TRIP11: variants seen among roughly 807,000 people sequenced by gnomAD.
TRIP11 encodes the protein thyroid hormone receptor interactor 11.
A neutral mutation model predicts 223.1 loss-of-function variants in TRIP11; 148 were observed. The ratio of observed to expected loss-of-function variants is 0.66; its 90% CI spans 0.58 to 0.76. The LOEUF is 0.76. Among genes scored for constraint, TRIP11 ranks in the 30% least tolerant of loss-of-function variants. The pLI, the probability that TRIP11 is intolerant of heterozygous loss-of-function variation, is 0.00. For synonymous variants in TRIP11, 762 were observed against 772.6 expected (o/e 0.99, Z 0.23); for missense variants, 2,043 against 2,222.0 (o/e 0.92, Z 1.62).
At chr14:91,990,122 C>T (rs1266716323) in intron 15 of TRIP11, among the ~76,000 whole-genome samples, 1 of 152,166 alleles carries the variant, frequency 6.6e-6, no homozygotes, top group Non-Finnish European at 1.5e-5. Context: ...GACACATATA[C>T]ATACACACCC....
chr14:91,984,333 T>TTG (rs1327579678), intron 16 of TRIP11, among the ~76,000 whole-genome samples: 5 of 134,422 alleles, frequency 3.7e-5, no homozygotes, highest in African/African-American at 1.1e-4. Flanking sequence ...TTTTTTTTTT[T>TTG]GGGACCAAGT....
At chr14:91,988,507 G>A in intron 15 of TRIP11, 124 bp from the exon 16 acceptor site, 1 of 780,810 alleles carries the variant, frequency 1.3e-6, no homozygotes, top group East Asian at 2.7e-5. Flanking sequence ...TATGACCTTG[G>A]GCAAATGTAT....
Position 91,967,405 on chromosome 14 carries a change from C to T in TRIP11, c.*2268G>A. On this transcript the variant is annotated 3_prime_UTR_variant, in exon 21 of 21. Coordinates refer to ENST00000267622, the MANE Select transcript of TRIP11 (RefSeq NM_004239.4). ...CCACCCACCTCACCCTCCCAAAGTT[C>T]TGGGATTACAGGCGTGAGCCACTGT... The T allele has an allele frequency of 5.5e-6, 1 of 181,014 alleles. No homozygotes were observed. Among genetic ancestry groups the T allele is most frequent in the African/African-American group, 2.4e-5 (1 of 42,442 alleles). 11.2% of individuals were successfully genotyped at this position (181,014 alleles called of 1,614,324 possible). A position where few individuals can be genotyped will look rare whatever the true frequency, so the allele number is the denominator to read the frequency against.
intron 2 of TRIP11, among the ~76,000 whole-genome samples, chr14:92,029,124 T>C (rs540293952): frequency 6.6e-6 from 1 of 152,136 alleles, no homozygotes; most frequent in South Asian, 2.1e-4. Context: ...ATTTGGCTCT[T>C]TTACTATCAT....
At chr14:92,015,488 A>G (rs1031252085) in intron 6 of TRIP11, among the ~76,000 whole-genome samples, 7 of 151,790 alleles carry the variant, frequency 4.6e-5, no homozygotes, top group African/African-American at 1.7e-4. Context: ...GCGAAACCCT[A>G]TTGCTACTAA....
chr14:92,004,694 A>G lies in TRIP11; in HGVS notation c.3282T>C (p.Tyr1094=). Residue 1094 remains tyrosine (Y), a synonymous_variant, in exon 11 of 21, where the codon TAT becomes TAC. Transcript: ENST00000267622. The part of the protein sequence containing the change: ...VVYLQQQLQA[Y]AMEREKVFAV... ...CAAATACCTTTTCTCTTTCCATAGC[A>G]TAAGCCTGCAGTTGCTGTTGAAGGT... 1 of 1,614,148 alleles carries G rather than the reference A, an allele frequency of 6.2e-7. No homozygotes were observed. Among genetic ancestry groups the G allele is most frequent in the Non-Finnish European group, 8.5e-7 (1 of 1,180,012 alleles).
rs2056444918 is a variant in TRIP11 at position 91,974,894 on chromosome 14, C to A, written c.5458-151G>T. On this transcript the variant is annotated intron_variant, in intron 18 of 20. Coordinates refer to ENST00000267622, the MANE Select transcript of TRIP11 (RefSeq NM_004239.4). Reference sequence around the variant, plus strand: ...TTCCTACTGATAGAGTCTACAAATACAATAAAATGCCATCCCAAGCACCAT... The same window carrying A: ...TTCCTACTGATAGAGTCTACAAATAAAATAAAATGCCATCCCAAGCACCAT... 14 of 732,862 alleles carry A rather than the reference C, an allele frequency of 1.9e-5. No individual in the cohort carries two copies. In the South Asian group the frequency reaches 2.5e-4, roughly 13 times the overall value. 45.4% of individuals were successfully genotyped at this position (732,862 alleles called of 1,614,324 possible). A position where few individuals can be genotyped will look rare whatever the true frequency, so the allele number is the denominator to read the frequency against.
At chr14:92,020,627 C>T (rs948682787) in intron 4 of TRIP11, among the ~76,000 whole-genome samples, 1 of 150,776 alleles carries the variant, frequency 6.6e-6, no homozygotes, top group Non-Finnish European at 1.5e-5. Flanking sequence ...TTGGTTCAAC[C>T]ACAGCAACTC....
intron 14 of TRIP11, 69 bp downstream of exon 14, chr14:91,995,283 C>A: frequency 6.3e-7 from 1 of 1,586,112 alleles, no homozygotes; most frequent in Non-Finnish European, 8.6e-7. Context: ...TCTAAAATAG[C>A]TCTCAAATTA....
At position 91,999,316 on chromosome 14, in the gene TRIP11, CT is replaced by C; in HGVS notation, c.4815del (p.Glu1606ArgfsTer4). On this transcript the variant is annotated frameshift_variant, in exon 13 of 21. Transcript: ENST00000267622. LOFTEE classifies it high-confidence loss of function. ...YTREALAAED[R>X]EAKLRKKVTV... ...GTGACTTTCTTTCTTAGTTTAGCCT[CT>C]CTATCTTCTGCAGCCAAAGCTTCAC... The C allele has an allele frequency of 6.2e-7, 1 of 1,613,908 alleles. No homozygotes were observed. Among genetic ancestry groups the C allele is most frequent in the Admixed American group, 1.7e-5 (1 of 60,028 alleles).
At chr14:91,991,208 G>A (rs530856952) in intron 15 of TRIP11, among the ~76,000 whole-genome samples, 2 of 152,232 alleles carry the variant, frequency 1.3e-5, no homozygotes, top group Admixed American at 1.3e-4. Flanking sequence ...AAGGAAGTAG[G>A]TTCCTTGCAA....
intron 15 of TRIP11, among the ~76,000 whole-genome samples, chr14:91,993,120 T>C (rs960654913): frequency 1.3e-5 from 2 of 151,322 alleles, no homozygotes; most frequent in Non-Finnish European, 1.5e-5. Context: ...GGATAATATA[T>C]ATTGTTTTAA....
chr14:91,975,297 A>C lies in TRIP11; in HGVS notation c.5343-11T>G. The C allele has an allele frequency of 6.2e-7, 1 of 1,604,890 alleles. No individual in the cohort carries two copies. The highest frequency in any genetic ancestry group is 8.5e-7 in the Non-Finnish European group (1 of 1,172,126). The stretch of plus-strand genomic sequence containing the variant: ...TTTCTCATTAGGACTCTATGAAAAT[A>C]AAGGCAGAAACAGCTCAAGTGAACT... On this transcript the variant is annotated splice_polypyrimidine_tract_variant and intron_variant, in intron 17 of 20. Coordinates refer to ENST00000267622, the MANE Select transcript of TRIP11 (RefSeq NM_004239.4).
intron 14 of TRIP11, 38 bp downstream of exon 14, chr14:91,995,314 C>T: frequency 6.2e-7 from 1 of 1,611,116 alleles, no homozygotes. Flanking sequence ...CCAATAACTA[C>T]AATTTTTCTT....
Position 91,966,274 on chromosome 14 carries a change from T to A in TRIP11, c.*3399A>T, listed in dbSNP as rs1306407663. The A allele has an allele frequency of 1.1e-5, 2 of 177,980 alleles. No individual in the cohort carries two copies. The highest frequency in any genetic ancestry group is 2.4e-5 in the Non-Finnish European group (2 of 82,798). 11.0% of individuals were successfully genotyped at this position (177,980 alleles called of 1,614,324 possible). On this transcript the variant is annotated 3_prime_UTR_variant, in exon 21 of 21. Transcript: ENST00000267622. Reference sequence around the variant, plus strand: ...TTAAAAAGTAAAGACTGGCAAATAATCACAAATGTCAGAACATTAAAGTAG... The same window carrying A: ...TTAAAAAGTAAAGACTGGCAAATAAACACAAATGTCAGAACATTAAAGTAG...
chr14:92,032,577 G>C lies in TRIP11; in HGVS notation c.201+615C>G, dbSNP rs998355837. Among the ~76,000 whole-genome samples, 3 of 152,278 alleles carry C rather than the reference G, an allele frequency of 2.0e-5. No individual in the cohort carries two copies. In the East Asian group the frequency reaches 5.8e-4, roughly 29 times the overall value. ...TAGCTGGGCGTGGTGGCTCACGCCT[G>C]TAATCCCAGCACTTTGGGAGGCTAA... is the stretch of plus-strand genomic sequence containing the variant. On this transcript the variant is annotated intron_variant, in intron 2 of 20. Coordinates refer to ENST00000267622, the MANE Select transcript of TRIP11 (RefSeq NM_004239.4).
At chr14:92,039,478 G>C in intron 1 of TRIP11, 69 bp downstream of exon 1, 1 of 1,565,630 alleles carries the variant, frequency 6.4e-7, no homozygotes, top group Non-Finnish European at 8.8e-7. Context: ...CTGACTGATG[G>C]AAGTAGGGAC....
At chr14:92,020,756 G>T (rs74988593) in intron 4 of TRIP11, among the ~76,000 whole-genome samples, 5,506 of 152,002 alleles carry the variant, frequency 0.036, 280 homozygotes, top group African/African-American at 0.12. Context: ...AAAGATGACA[G>T]GACCAAAATC....
chr14:91,978,988 G>A lies in TRIP11; in HGVS notation c.5261-2799C>T, dbSNP rs1478632074. 1.3e-5 allele frequency among the ~76,000 whole-genome samples: 2 copies of A among 152,080 alleles called. No homozygotes were observed. The highest frequency in any genetic ancestry group is 4.8e-5 in the African/African-American group (2 of 41,392). ...TTTAAAAAGAGAGGCTGGGCGCAGT[G>A]GCTCACGCTTGTAATCCCAGTGCTT... On this transcript the variant is annotated intron_variant, in intron 16 of 20. Transcript: ENST00000267622. This position sits in a 1 kb window ranked among gnomAD's most constrained non-coding sequence, Gnocchi z 4.4.
Sources: allele counts gnomAD v4.1 joint callset (sites outside exome capture counted in the v4.1 genomes callset), GRCh38; gene constraint gnomAD v4.1.1; non-coding constraint Gnocchi (gnomAD v3.1); transcripts MANE v1.5; gene names NCBI Gene and HGNC (gene_info 2026-07-23, HGNC 2026-07-21).